The following CCDC190 variants were observed in gnomAD, a reference collection of about 807,000 sequenced individuals.
The protein encoded by CCDC190 is coiled-coil domain-containing protein 190.
In CCDC190, 10 loss-of-function variants were observed where a neutral mutation model predicts 13.1. That is an observed-to-expected ratio of 0.77 (90% CI 0.47 to 1.30). CCDC190 has a LOEUF of 1.30. Ranked by LOEUF, CCDC190 falls within the 50% of genes most tolerant of loss-of-function variation. The pLI is 0.00. For synonymous variants in CCDC190, 136 were observed against 127.2 expected, an observed-to-expected ratio of 1.07 and a Z score of -0.47; for missense variants, 375 against 354.3, an observed-to-expected ratio of 1.06 and a Z score of -0.47.
At chr1:162,855,394 C>T in intron 3 of CCDC190, 35 bp from the exon 4 acceptor site, 5 of 1,555,980 alleles carry the variant, frequency 3.2e-6, no homozygotes, top group Non-Finnish European at 4.3e-6. Context: ...TCTCTGAAAA[C>T]CAATAAAAAG....
intron 2 of CCDC190, among the ~76,000 whole-genome samples, chr1:162,857,106 C>T (rs1165762404): frequency 1.3e-5 from 2 of 152,180 alleles, no homozygotes; most frequent in Admixed American, 6.5e-5. Context: ...AGGTAATATA[C>T]TTTTGATTCT....
At chr1:162,865,047 A>G (rs542483215), upstream of CCDC190, among the ~76,000 whole-genome samples, 106 of 152,240 alleles carry the variant, frequency 7.0e-4, 1 homozygote, top group African/African-American at 2.4e-3. Flanking sequence ...TGAATAGGTT[A>G]AGAGTAAATG....
At position 162,855,704 on chromosome 1, in the gene CCDC190, C is replaced by A; in HGVS notation, c.239G>T (p.Arg80Ile). ...TGAGAACACGAGAACATCTTCTGGTCTCTTCTGAAATCCATTCCCCAAATA... is the reference window on the plus strand; with the variant it reads ...TGAGAACACGAGAACATCTTCTGGTATCTTCTGAAATCCATTCCCCAAATA... ...SSYLGNGFQK[R>I]PEDVLVFSPQ... The change falls in exon 3 of 4, where the codon AGA (arginine) becomes ATA (isoleucine). Residue 80 changes from arginine (R) to isoleucine (I), a missense_variant. Transcript: ENST00000367912. The A allele has an allele frequency of 6.2e-7, 1 of 1,613,564 alleles. No homozygotes were observed. The highest frequency in any genetic ancestry group is 1.6e-4 in the Middle Eastern group (1 of 6,062).
chr1:162,857,056 A>G (rs189728077), intron 2 of CCDC190, among the ~76,000 whole-genome samples: 259 of 152,286 alleles, frequency 1.7e-3, no homozygotes, highest in South Asian at 4.8e-3. Context: ...CCACCCAGTT[A>G]CCAGATTTGA....
chr1:162,852,981 A>C lies in CCDC190; in HGVS notation c.*1784T>G, dbSNP rs2684878. The C allele has an allele frequency of 0.87, 669,211 of 766,448 alleles. 295,420 individuals are homozygous for C. The highest frequency in any genetic ancestry group is 0.92 in the Non-Finnish European group (413,883 of 449,988). The allele number at this position is 766,448 out of a possible 1,614,324, so 47.5% of individuals were successfully genotyped here. On this transcript the variant is annotated 3_prime_UTR_variant, in exon 4 of 4. Coordinates refer to ENST00000367912, the MANE Select transcript of CCDC190 (RefSeq NM_001394065.1). ...TTCTCTAATTGTTGTATGCCTATTC[A>C]TGTTGGCCCAGGCATGGCTGGTGCA... is the stretch of plus-strand genomic sequence containing the variant.
At chr1:162,855,542 G>A (rs953355511) in intron 3 of CCDC190, 90 bp downstream of exon 3, 16 of 1,552,900 alleles carry the variant, frequency 1.0e-5, no homozygotes, top group Admixed American at 9.7e-5. Context: ...GAAGTGGAAC[G>A]GAGCATTTCT....
In CCDC190 at chr1:162,855,294, T is replaced by A; in HGVS notation, c.377A>T (p.Asp126Val). 6.2e-7 allele frequency: 1 copy of A among 1,613,700 alleles called. No individual in the cohort carries two copies. The highest frequency in any genetic ancestry group is 8.5e-7 in the Non-Finnish European group (1 of 1,179,868). ...KSKSQVPPSH[D>V]AGLKDPMKSK... ...CTTCATGGGGTCTTTGAGGCCAGCA[T>A]CATGTGAAGGAGGCACCTGGGACTT... The change falls in exon 4 of 4, where the codon GAT becomes GTT. Residue 126 changes from aspartate to valine, a missense_variant. Asp to Val is a radical substitution (Grantham distance 152). Transcript: ENST00000367912.
rs375424019 is a variant in CCDC190, at chr1:162,855,829, C to T, written c.188-74G>A. The stretch of plus-strand genomic sequence containing the variant: ...ATTTTTTATGCTCAAGTCCTAACCC[C>T]CAGTACCTTAGGGTGGGACCTTATT... On this transcript the variant is annotated intron_variant, in intron 2 of 3. Coordinates refer to ENST00000367912, the MANE Select transcript of CCDC190 (RefSeq NM_001394065.1). 5.1e-6 allele frequency: 7 copies of T among 1,379,998 alleles called. No homozygotes were observed. The Admixed American group carries it at 1.5e-4, about 29-fold the overall frequency. 85.5% of individuals were successfully genotyped at this position (1,379,998 alleles called of 1,614,324 possible). A position where few individuals can be genotyped will look rare whatever the true frequency, so the allele number is the denominator to read the frequency against.
Position 162,854,529 on chromosome 1 carries a change from T to C in CCDC190, c.*236A>G. ...ATATATATTCATATTTTTGATGACATCATAAACATATCACTTAAAATATTT... is the reference window on the plus strand; with the variant it reads ...ATATATATTCATATTTTTGATGACACCATAAACATATCACTTAAAATATTT... On this transcript the variant is annotated 3_prime_UTR_variant, in exon 4 of 4. Transcript: ENST00000367912. 1.5e-6 allele frequency: 2 copies of C among 1,317,044 alleles called. No homozygotes were observed. Among genetic ancestry groups the C allele is most frequent in the Non-Finnish European group, 1.9e-6 (2 of 1,033,982 alleles). 81.6% of individuals were successfully genotyped at this position (1,317,044 alleles called of 1,614,324 possible). A position where few individuals can be genotyped will look rare whatever the true frequency, so the allele number is the denominator to read the frequency against.
At chr1:162,857,925 T>A (rs909271973) in intron 2 of CCDC190, among the ~76,000 whole-genome samples, 1 of 152,198 alleles carries the variant, frequency 6.6e-6, no homozygotes, top group Non-Finnish European at 1.5e-5. Context: ...TACCTTAGTA[T>A]CATCTCAGTT....
intron 2 of CCDC190, among the ~76,000 whole-genome samples, chr1:162,857,812 C>A (rs1260447272): frequency 6.6e-6 from 1 of 152,080 alleles, no homozygotes; most frequent in Non-Finnish European, 1.5e-5. Context: ...AATATGGGCA[C>A]CTTGAGGGCA....
intron 2 of CCDC190, among the ~76,000 whole-genome samples, chr1:162,857,488 C>G (rs568427423): frequency 5.3e-5 from 8 of 152,284 alleles, no homozygotes; most frequent in Non-Finnish European, 1.2e-4. Flanking sequence ...ACCTCCTCTT[C>G]CCCACTTCCA....
At chr1:162,858,354 G>C (rs2102261206) in intron 2 of CCDC190, among the ~76,000 whole-genome samples, 1 of 152,326 alleles carries the variant, frequency 6.6e-6, no homozygotes, top group Non-Finnish European at 1.5e-5. Flanking sequence ...ATAAGAGTGG[G>C]AATCAACTAA....
At position 162,853,296 on chromosome 1, in the gene CCDC190, A is replaced by G; in HGVS notation, c.*1469T>C. ...AATGCTAGTCTGCCATCTATTAGCA[A>G]GTTACCACCACTCTTCCCTCTATTT... is the stretch of plus-strand genomic sequence containing the variant. On this transcript the variant is annotated 3_prime_UTR_variant, in exon 4 of 4. Coordinates refer to ENST00000367912, the MANE Select transcript of CCDC190 (RefSeq NM_001394065.1). 1 of 594,566 alleles carries G rather than the reference A, an allele frequency of 1.7e-6. No individual in the cohort carries two copies. The highest frequency in any genetic ancestry group is 2.9e-6 in the Non-Finnish European group (1 of 349,334). 36.8% of individuals were successfully genotyped at this position (594,566 alleles called of 1,614,324 possible).
upstream of CCDC190, among the ~76,000 whole-genome samples, chr1:162,862,690 G>C (rs1317667223): frequency 1.3e-5 from 2 of 152,188 alleles, no homozygotes; most frequent in Non-Finnish European, 2.9e-5. Context: ...GAAAATACCA[G>C]TCATGCCTTA....
chr1:162,853,828 A>G lies in CCDC190; in HGVS notation c.*937T>C, dbSNP rs187490647. Reference sequence around the variant, plus strand: ...TTCCTGATAGAGTCAGTATAGATAAAAAGTGGTGATGATTTTATTCTACAC... The same window carrying G: ...TTCCTGATAGAGTCAGTATAGATAAGAAGTGGTGATGATTTTATTCTACAC... On this transcript the variant is annotated 3_prime_UTR_variant, in exon 4 of 4. Coordinates refer to ENST00000367912, the MANE Select transcript of CCDC190 (RefSeq NM_001394065.1). Among the ~76,000 whole-genome samples the G allele has an allele frequency of 1.5e-3, 229 of 152,302 alleles. 6 individuals carry two copies. Among genetic ancestry groups the G allele is most frequent in the Middle Eastern group, 3.4e-3 (1 of 294 alleles).
At chr1:162,867,184 T>C (rs1405753796) in intron 1 of CCDC190, among the ~76,000 whole-genome samples, 1 of 152,034 alleles carries the variant, frequency 6.6e-6, no homozygotes, top group Non-Finnish European at 1.5e-5. Flanking sequence ...TTGGAATATA[T>C]TGACAACGCA....
At position 162,855,214 on chromosome 1, in the gene CCDC190, G is replaced by A. The variant is rs201377141; in HGVS notation, c.457C>T (p.Gln153Ter). 31 of 1,613,832 alleles carry A rather than the reference G, an allele frequency of 1.9e-5. No individual in the cohort carries two copies. Among genetic ancestry groups the A allele is most frequent in the African/African-American group, 4.0e-5 (3 of 74,906 alleles). The change falls in exon 4 of 4, where the codon CAA (glutamine) becomes TAA (stop). Residue 153 changes from glutamine (Q) to a stop codon, truncating the protein, a stop_gained. Transcript: ENST00000367912. LOFTEE classifies it low-confidence loss of function (END_TRUNC). ...GAATCTTTCTCTTGGGCTTGTGGTT[G>A]CTCTTTTATGAAGCAGGCAGTTCTG... ...NNRTACFIKE[Q>*]PQAQEKDSVN... is the part of the protein sequence containing the mutation.
rs1169394000 is a variant in CCDC190 at position 162,853,174 on chromosome 1, A to G, written c.*1591T>C. ...GCCAGAGGCTGGGCTGATGAAACTG[A>G]CTCTCAAATGTTTGATCTAAGTTTT... On this transcript the variant is annotated 3_prime_UTR_variant, in exon 4 of 4. Transcript: ENST00000367912. 9.8e-6 allele frequency: 15 copies of G among 1,537,704 alleles called. No homozygotes were observed. Among genetic ancestry groups the G allele is most frequent in the Middle Eastern group, 1.7e-4 (1 of 5,924 alleles).
Sources: allele counts gnomAD v4.1 joint callset (sites outside exome capture counted in the v4.1 genomes callset), GRCh38; gene constraint gnomAD v4.1.1; transcripts MANE v1.5; gene names NCBI Gene and HGNC (gene_info 2026-07-23, HGNC 2026-07-21).